Variants in GTF2E2 observed in about 807,000 individuals in gnomAD.
The protein encoded by GTF2E2 is transcription initiation factor IIE subunit beta.
In GTF2E2, 21 loss-of-function variants were observed where a neutral mutation model predicts 40.5. That is an observed-to-expected ratio of 0.52 (90% CI 0.37 to 0.75). The LOEUF (loss-of-function observed/expected upper bound fraction) is 0.75, where lower values mean the gene tolerates loss of function less well. Ranked by LOEUF, GTF2E2 falls within the 30% of genes least tolerant of loss-of-function variation. The probability of loss-of-function intolerance (pLI) is 0.00; values close to 1 mark genes in which losing one functional copy is unlikely to be tolerated. For missense variants in GTF2E2, 298 were observed against 338.4 expected (o/e 0.88, Z 0.94); for synonymous variants, 117 against 121.6 (o/e 0.96, Z 0.25).
chr8:30,595,064 T>C (rs1828961635), intron 6 of GTF2E2, among the ~76,000 whole-genome samples: 1 of 152,220 alleles, frequency 6.6e-6, no homozygotes, highest in Admixed American at 6.5e-5. Context: ...TACATTTGTA[T>C]GATTCCATTT....
chr8:30,649,863 GATGA>G (rs1265502415), intron 2 of GTF2E2, among the ~76,000 whole-genome samples: 1 of 152,074 alleles, frequency 6.6e-6, no homozygotes, highest in Non-Finnish European at 1.5e-5. Flanking sequence ...CAATGTAAAT[GATGA>G]ATGAATAAAC....
intron 6 of GTF2E2, among the ~76,000 whole-genome samples, chr8:30,593,953 TG>T (rs773940490): frequency 2.0e-5 from 3 of 152,000 alleles, no homozygotes; most frequent in Non-Finnish European, 4.4e-5. Context: ...TCTTTCGAGA[TG>T]GAGTCTTGCT....
intron 3 of GTF2E2, among the ~76,000 whole-genome samples, chr8:30,615,591 T>C (rs1422803991): frequency 6.6e-6 from 1 of 152,204 alleles, no homozygotes; most frequent in African/African-American, 2.4e-5. Flanking sequence ...TTTGAAAAGA[T>C]GTCCAAGACA....
intron 6 of GTF2E2, among the ~76,000 whole-genome samples, chr8:30,602,688 A>T (rs566195304): frequency 1.2e-4 from 17 of 144,468 alleles, no homozygotes; most frequent in African/African-American, 4.3e-4. Flanking sequence ...CGGGAGGCAG[A>T]GGTTGTTGTG....
At chr8:30,629,429 G>C (rs958699961) in intron 3 of GTF2E2, among the ~76,000 whole-genome samples, 1 of 152,122 alleles carries the variant, frequency 6.6e-6, no homozygotes, top group African/African-American at 2.4e-5. Context: ...GCTCACGCCT[G>C]TAATCCCAGC....
chr8:30,647,600 T>G (rs1404677611), intron 2 of GTF2E2, among the ~76,000 whole-genome samples: 1 of 152,124 alleles, frequency 6.6e-6, no homozygotes, highest in Non-Finnish European at 1.5e-5. Flanking sequence ...AAAAGAATCT[T>G]AACTGCCGGT....
intron 6 of GTF2E2, among the ~76,000 whole-genome samples, chr8:30,599,019 A>G (rs1173010267): frequency 6.6e-6 from 1 of 152,182 alleles, no homozygotes; most frequent in African/African-American, 2.4e-5. Context: ...AAAATAAAAA[A>G]CAAGATACTC....
intron 2 of GTF2E2, among the ~76,000 whole-genome samples, chr8:30,636,454 T>C (rs1394396241): frequency 1.3e-5 from 2 of 152,248 alleles, no homozygotes; most frequent in African/African-American, 4.8e-5. Flanking sequence ...GGCAATACCA[T>C]ACTCCTTTGA....
chr8:30,615,492 G>A (rs539638721), intron 3 of GTF2E2, among the ~76,000 whole-genome samples: 2 of 152,218 alleles, frequency 1.3e-5, no homozygotes, highest in South Asian at 2.1e-4. Context: ...TAACCCAAGC[G>A]TCCATATTAG....
intron 2 of GTF2E2, among the ~76,000 whole-genome samples, chr8:30,652,830 G>C (rs940849222): frequency 3.3e-5 from 5 of 152,156 alleles, no homozygotes; most frequent in African/African-American, 1.2e-4. Flanking sequence ...TTGGTGAATG[G>C]ATAAACAAAC....
At chr8:30,650,595 G>C (rs1236585197) in intron 2 of GTF2E2, among the ~76,000 whole-genome samples, 2 of 151,404 alleles carry the variant, frequency 1.3e-5, no homozygotes. Context: ...TCAGCTACCC[G>C]GGAGACTGAG....
At chr8:30,628,244 TC>T (rs1414584624) in intron 3 of GTF2E2, among the ~76,000 whole-genome samples, 35 of 152,082 alleles carry the variant, frequency 2.3e-4, no homozygotes, top group Admixed American at 6.6e-5. Flanking sequence ...AGAAAAGAAA[TC>T]AAGTAGAAAA....
chr8:30,637,163 T>G, intron 2 of GTF2E2: 2 of 453,270 alleles, frequency 4.4e-6, no homozygotes, highest in South Asian at 3.1e-5. Context: ...TTATTCCATC[T>G]GAAACTGGCC....
intron 6 of GTF2E2, among the ~76,000 whole-genome samples, chr8:30,591,411 G>A (rs530151910): frequency 6.6e-6 from 1 of 152,178 alleles, no homozygotes; most frequent in Non-Finnish European, 1.5e-5. Context: ...ATGACCCTAA[G>A]AGCTTGAGGC....
At chr8:30,592,348 C>T (rs1425847467) in intron 6 of GTF2E2, among the ~76,000 whole-genome samples, 2 of 152,298 alleles carry the variant, frequency 1.3e-5, no homozygotes, top group Middle Eastern at 3.4e-3. Flanking sequence ...CCACTGCACT[C>T]CAGCCTATAC....
At chr8:30,602,632 T>G (rs536806587) in intron 6 of GTF2E2, among the ~76,000 whole-genome samples, 43 of 151,684 alleles carry the variant, frequency 2.8e-4, no homozygotes, top group Non-Finnish European at 5.1e-4. Context: ...GGCATGCCTA[T>G]AATCCCAGCT....
chr8:30,584,565 G>A (rs1828618584), intron 6 of GTF2E2: 1 of 152,144 alleles, frequency 6.6e-6, no homozygotes, highest in Non-Finnish European at 1.5e-5. Context: ...AAACAGACTA[G>A]AATTTAAAAG....
At chr8:30,601,006 A>G (rs902686616) in intron 6 of GTF2E2, among the ~76,000 whole-genome samples, 59 of 152,374 alleles carry the variant, frequency 3.9e-4, no homozygotes, top group African/African-American at 1.4e-3. Flanking sequence ...TCCGTTTTCA[A>G]TGGGTCTTCC....
At chr8:30,620,257 CAA>C (rs1491481094) in intron 3 of GTF2E2, among the ~76,000 whole-genome samples, 63 of 151,742 alleles carry the variant, frequency 4.2e-4, no homozygotes, top group African/African-American at 1.3e-3. Context: ...CACACACACA[CAA>C]ACACACACAC....
Sources: gnomAD v4.1 joint callset for allele counts (sites outside exome capture counted in the v4.1 genomes callset) on GRCh38, gnomAD v4.1.1 for gene constraint, MANE v1.5 for transcripts, NCBI Gene and HGNC (gene_info 2026-07-23, HGNC 2026-07-21) for gene names.